The following CRB1 variants were observed in gnomAD, a reference collection of about 807,000 sequenced individuals.
The protein encoded by CRB1 is crumbs cell polarity complex component 1.
CRB1 carries 83 observed loss-of-function variants against 120.0 expected under a neutral mutation model. The observed-to-expected ratio is 0.69, with a 90% CI of 0.58 to 0.83. The LOEUF (loss-of-function observed/expected upper bound fraction) is 0.83. Among genes scored for constraint, CRB1 ranks in the 40% least tolerant of loss-of-function variants. The pLI, the probability that CRB1 is intolerant of heterozygous loss-of-function variation, is 0.00. For missense variants in CRB1, 1,699 were observed against 1,687.6 expected (o/e 1.01, Z -0.12); for synonymous variants, 625 against 612.5 (o/e 1.02, Z -0.30).
intron 5 of CRB1, among the ~76,000 whole-genome samples, chr1:197,371,522 T>C (rs1197263086): frequency 6.6e-6 from 1 of 152,226 alleles, no homozygotes; most frequent in African/African-American, 2.4e-5. Flanking sequence ...GAAAATAGTA[T>C]CTTCCTGCCA....
At chr1:197,372,899 A>T (rs972274771) in intron 5 of CRB1, among the ~76,000 whole-genome samples, 1 of 152,090 alleles carries the variant, frequency 6.6e-6, no homozygotes, top group African/African-American at 2.4e-5. Context: ...AGGGATGACA[A>T]ATCCTGTAGT....
In CRB1 at chr1:197,477,776, G is replaced by A. The variant is rs778757184; in HGVS notation, c.4118G>A (p.Arg1373Lys). The A allele has an allele frequency of 4.3e-6, 7 of 1,613,744 alleles. No homozygotes were observed. Among genetic ancestry groups the A allele is most frequent in the African/African-American group, 4.0e-5 (3 of 74,880 alleles). Residue 1373 changes from arginine (R) to lysine (K), a missense_variant, in exon 12 of 12, where the codon AGG becomes AAG. Coordinates refer to ENST00000367400, the MANE Select transcript of CRB1 (RefSeq NM_201253.3). ...GCTTCTGTTGTCACCTCCAACAAAAGGGCAACTCAGGGAACCTACAGCCCC... is the reference window on the plus strand; with the variant it reads ...GCTTCTGTTGTCACCTCCAACAAAAAGGCAACTCAGGGAACCTACAGCCCC... ...IVASVVTSNK[R>K]ATQGTYSPSR...
At chr1:197,230,110 T>C in the CRB1 span, among the ~76,000 whole-genome samples, 1 of 152,212 alleles carries the variant, frequency 6.6e-6, no homozygotes, top group Admixed American at 6.5e-5. Flanking sequence ...CTGAGAGAAC[T>C]CAGTCACTGT....
At chr1:197,344,180 A>G (rs1489084737) in intron 2 of CRB1, 101 bp from the exon 3 acceptor site, 10 of 1,161,124 alleles carry the variant, frequency 8.6e-6, no homozygotes, top group Non-Finnish European at 1.2e-5. Flanking sequence ...GTAACAGAAC[A>G]TTTGACAAGT....
intron 1 of CRB1, among the ~76,000 whole-genome samples, chr1:197,325,386 T>C (rs1450467036): frequency 6.6e-6 from 1 of 152,162 alleles, no homozygotes; most frequent in Non-Finnish European, 1.5e-5. Context: ...TAGCAAAACA[T>C]AGCAAATGTT....
chr1:197,209,861 T>C, the CRB1 span, among the ~76,000 whole-genome samples: 1 of 152,234 alleles, frequency 6.6e-6, no homozygotes, highest in South Asian at 2.1e-4. Flanking sequence ...GGTTCCCCAG[T>C]GGGGGTATGT....
At chr1:197,296,353 A>G (rs1033261793) in intron 1 of CRB1, among the ~76,000 whole-genome samples, 1 of 152,070 alleles carries the variant, frequency 6.6e-6, no homozygotes, top group Non-Finnish European at 1.5e-5. Context: ...TATGAAGCTT[A>G]ATTGACATCA....
the CRB1 span, among the ~76,000 whole-genome samples, chr1:197,248,609 AT>A: frequency 2.2e-3 from 341 of 152,128 alleles, no homozygotes; most frequent in Non-Finnish European, 4.0e-3. Context: ...TAACAAAAAC[AT>A]TATTATTTTA....
chr1:197,337,973 A>G (rs1475768163), intron 2 of CRB1, among the ~76,000 whole-genome samples: 1 of 151,982 alleles, frequency 6.6e-6, no homozygotes, highest in Non-Finnish European at 1.5e-5. Context: ...TATGATTAAA[A>G]CATAATTATG....
chr1:197,225,692 T>G, the CRB1 span, among the ~76,000 whole-genome samples: 1 of 152,188 alleles, frequency 6.6e-6, no homozygotes, highest in Non-Finnish European at 1.5e-5. Flanking sequence ...TGAAAACAGC[T>G]GGAGCTTAAC....
intron 5 of CRB1, among the ~76,000 whole-genome samples, chr1:197,369,099 C>T (rs145550526): frequency 2.6e-5 from 4 of 152,238 alleles, no homozygotes; most frequent in Admixed American, 6.5e-5. Context: ...TCTCATATGA[C>T]GTGGTCTAGT....
intron 1 of CRB1, among the ~76,000 whole-genome samples, chr1:197,284,799 G>A (rs1655728741): frequency 6.7e-6 from 1 of 149,246 alleles, no homozygotes; most frequent in Non-Finnish European, 1.5e-5. Context: ...TGCATATTCT[G>A]ATATTGTAAT....
rs116254396 is a variant in CRB1 at position 197,328,659 on chromosome 1, G to A, written c.308G>A (p.Ser103Asn). ...SFLCKCPPGY[S>N]GTICETTIGS... ...CTGTGCAAATGTCCTCCTGGGTACAGTGGGACAATCTGTGAAACTACCATT... is the reference window on the plus strand; with the variant it reads ...CTGTGCAAATGTCCTCCTGGGTACAATGGGACAATCTGTGAAACTACCATT... The change falls in exon 2 of 12, where the codon AGT becomes AAT. Residue 103 changes from serine (S) to asparagine (N), a missense_variant. Ser to Asn is a conservative substitution (Grantham distance 46). Transcript: ENST00000367400. 6.2e-7 allele frequency: 1 copy of A among 1,614,014 alleles called. No homozygotes were observed. Among genetic ancestry groups the A allele is most frequent in the African/African-American group, 1.3e-5 (1 of 74,936 alleles).
chr1:197,350,790 C>T (rs1660051974), intron 4 of CRB1, among the ~76,000 whole-genome samples: 1 of 152,140 alleles, frequency 6.6e-6, no homozygotes, highest in South Asian at 2.1e-4. Flanking sequence ...TATTCACTAG[C>T]TGTGTGACTT....
chr1:197,465,422 C>G (rs539084295), intron 11 of CRB1, among the ~76,000 whole-genome samples: 8 of 151,874 alleles, frequency 5.3e-5, no homozygotes, highest in Non-Finnish European at 1.2e-4. Flanking sequence ...ACTTTAAAAC[C>G]TATAGACTTT....
the CRB1 span, among the ~76,000 whole-genome samples, chr1:197,214,441 G>A: frequency 3.3e-5 from 5 of 152,006 alleles, no homozygotes; most frequent in Admixed American, 6.6e-5. Context: ...ATATTCACAA[G>A]TTCCACAGGG....
the CRB1 span, among the ~76,000 whole-genome samples, chr1:197,240,012 T>C: frequency 6.6e-6 from 1 of 151,766 alleles, no homozygotes; most frequent in Non-Finnish European, 1.5e-5. Context: ...CTCTCCCCCA[T>C]TTATGATATA....
chr1:197,368,599 G>T (rs1661205521), intron 5 of CRB1, among the ~76,000 whole-genome samples: 1 of 152,128 alleles, frequency 6.6e-6, no homozygotes, highest in African/African-American at 2.4e-5. Flanking sequence ...CTAATATTTG[G>T]AAGACCACAT....
At chr1:197,222,237 G>C in the CRB1 span, 15 of 506,602 alleles carry the variant, frequency 3.0e-5, no homozygotes, top group Non-Finnish European at 4.9e-5. Context: ...TGTGTTTGCC[G>C]TGCTCCTGTC....
Sources: allele counts gnomAD v4.1 joint callset (sites outside exome capture counted in the v4.1 genomes callset), GRCh38; gene constraint gnomAD v4.1.1; transcripts MANE v1.5; gene names NCBI Gene and HGNC (gene_info 2026-07-23, HGNC 2026-07-21).